Variants in OXR1 observed in about 807,000 individuals in gnomAD.
OXR1 encodes oxidation resistance 1.
A neutral mutation model predicts 104.6 loss-of-function variants in OXR1; 41 were observed. The observed-to-expected ratio is 0.39, with a 90% CI of 0.31 to 0.51. The LOEUF (loss-of-function observed/expected upper bound fraction) is 0.51. Among genes scored for constraint, OXR1 ranks in the 20% least tolerant of loss-of-function variants. The pLI is 0.77. For missense variants in OXR1, 955 were observed against 1,031.9 expected, an observed-to-expected ratio of 0.93 and a Z score of 1.02; for synonymous variants, 348 against 348.4, an observed-to-expected ratio of 1.00 and a Z score of 0.01.
chr8:106,739,284 A>T (rs569162387), intron 12 of OXR1, among the ~76,000 whole-genome samples, 174 bp from the exon 13 acceptor site: 4 of 152,262 alleles, frequency 2.6e-5, no homozygotes, highest in African/African-American at 9.6e-5. Flanking sequence ...CTTTTCCTAC[A>T]TTGGCTACAT....
chr8:106,653,746 C>A (rs949985622), intron 3 of OXR1, among the ~76,000 whole-genome samples: 1 of 151,394 alleles, frequency 6.6e-6, no homozygotes, highest in Non-Finnish European at 1.5e-5. Context: ...CTAACCAGGG[C>A]AATTAGGCAA....
chr8:106,488,432 A>G (rs950273633), intron 2 of OXR1, among the ~76,000 whole-genome samples: 10 of 149,240 alleles, frequency 6.7e-5, no homozygotes, highest in Non-Finnish European at 1.5e-5. Context: ...GTTTAATTAG[A>G]TCCCATTTGT....
chr8:106,567,665 T>C (rs1033750693), intron 3 of OXR1, among the ~76,000 whole-genome samples: 3 of 152,194 alleles, frequency 2.0e-5, no homozygotes, highest in Admixed American at 6.6e-5. Context: ...TTGAAAGCTG[T>C]ATCTTTTATG....
At chr8:106,281,322 T>C (rs1812269673) in intron 1 of OXR1, among the ~76,000 whole-genome samples, 1 of 152,176 alleles carries the variant, frequency 6.6e-6, no homozygotes, top group African/African-American at 2.4e-5. Flanking sequence ...TGTCTGTCAG[T>C]TGAGGAATGG....
At chr8:106,497,037 A>C (rs1240423863) in intron 2 of OXR1, among the ~76,000 whole-genome samples, 3 of 152,184 alleles carry the variant, frequency 2.0e-5, no homozygotes, top group Admixed American at 6.5e-5. Flanking sequence ...AAAGTGATTG[A>C]GATTGAATTT....
intron 3 of OXR1, among the ~76,000 whole-genome samples, chr8:106,576,021 C>CA (rs10672817): frequency 6.8e-6 from 1 of 146,802 alleles, no homozygotes; most frequent in Non-Finnish European, 1.5e-5. Flanking sequence ...CACACACACA[C>CA]AAAACCCTGA....
intron 3 of OXR1, among the ~76,000 whole-genome samples, chr8:106,621,015 G>T (rs945460380): frequency 3.9e-5 from 6 of 152,128 alleles, no homozygotes; most frequent in African/African-American, 1.4e-4. Flanking sequence ...ATTATCATTG[G>T]AAATGATGAT....
In OXR1 at chr8:106,363,972, G is replaced by T. The variant is rs566423728; in HGVS notation, c.23+4336G>T. On this transcript the variant is annotated intron_variant, in intron 2 of 16. Coordinates refer to ENST00000517566, the MANE Select transcript of OXR1 (RefSeq NM_001198533.2). ...TCAGTTTTAGAAAAGGGTCCATTAT[G>T]TATGCTCACCCTTTTCCCAGATTTA... is the stretch of plus-strand genomic sequence containing the variant. Among the ~76,000 whole-genome samples the T allele has an allele frequency of 1.8e-4, 28 of 151,904 alleles. No individual in the cohort carries two copies. The East Asian group carries it at 4.5e-3, about 24-fold the overall frequency.
At chr8:106,616,443 G>A (rs1023312681) in intron 3 of OXR1, among the ~76,000 whole-genome samples, 1 of 151,872 alleles carries the variant, frequency 6.6e-6, no homozygotes, top group African/African-American at 2.4e-5. Flanking sequence ...GCATTCATAG[G>A]AAATACTGGA....
chr8:106,671,057 A>AC, intron 3 of OXR1, among the ~76,000 whole-genome samples: 1 of 150,062 alleles, frequency 6.7e-6, no homozygotes, highest in African/African-American at 2.5e-5. Context: ...AAAAAAAAAA[A>AC]AAAAAAGAAT....
chr8:106,298,746 AAAAAC>A (rs1216008661), intron 1 of OXR1, among the ~76,000 whole-genome samples: 5 of 147,196 alleles, frequency 3.4e-5, no homozygotes, highest in Non-Finnish European at 7.4e-5. Context: ...CTGGAGGAAA[AAAAAC>A]AAAACAAATA....
At position 106,697,944 on chromosome 8, in the gene OXR1, A is replaced by G. The variant is rs1313609567; in HGVS notation, c.676-4962A>G. 1.9e-5 allele frequency: 31 copies of G among 1,612,392 alleles called. No homozygotes were observed. In the Admixed American group the frequency reaches 4.8e-4, roughly 25 times the overall value. On this transcript the variant is annotated intron_variant, in intron 7 of 16. Transcript: ENST00000517566. The stretch of plus-strand genomic sequence containing the variant: ...GGATCAGGATCTGCTCCAGATCTGC[A>G]TCATACTGTTTCTCAATCTTCTGCT...
At chr8:106,485,733 G>A (rs1448740854) in intron 2 of OXR1, among the ~76,000 whole-genome samples, 2 of 151,998 alleles carry the variant, frequency 1.3e-5, no homozygotes, top group Non-Finnish European at 2.9e-5. Flanking sequence ...ATGAATGGAT[G>A]GAGAAAATGA....
intron 11 of OXR1, among the ~76,000 whole-genome samples, chr8:106,736,107 T>G (rs1172896265): frequency 6.6e-6 from 1 of 152,196 alleles, no homozygotes; most frequent in Non-Finnish European, 1.5e-5. Flanking sequence ...GCACTTTTAC[T>G]ATTTTCATTG....
intron 2 of OXR1, among the ~76,000 whole-genome samples, chr8:106,439,495 A>T (rs1040318770): frequency 3.3e-5 from 5 of 152,136 alleles, no homozygotes; most frequent in African/African-American, 9.7e-5. Context: ...TAAAATTTTT[A>T]AAATTTAGTT....
At chr8:106,306,165 A>G (rs189167227) in intron 1 of OXR1, among the ~76,000 whole-genome samples, 1 of 152,080 alleles carries the variant, frequency 6.6e-6, no homozygotes, top group African/African-American at 2.4e-5. Context: ...GGGAACATCT[A>G]AGGAATAATT....
At chr8:106,318,923 A>G (rs111283395) in intron 1 of OXR1, among the ~76,000 whole-genome samples, 17 of 152,218 alleles carry the variant, frequency 1.1e-4, no homozygotes, top group Admixed American at 1.3e-4. Flanking sequence ...GGGAGAAAAT[A>G]TCCAAAATGT....
chr8:106,595,264 A>G (rs1271550930), intron 3 of OXR1, among the ~76,000 whole-genome samples: 2 of 152,176 alleles, frequency 1.3e-5, no homozygotes, highest in East Asian at 1.9e-4. Context: ...TTAAGAGTGT[A>G]GAACTGGCCG....
At chr8:106,317,693 A>G (rs77928463) in intron 1 of OXR1, among the ~76,000 whole-genome samples, 13,465 of 152,028 alleles carry the variant, frequency 0.089, 695 homozygotes, top group African/African-American at 0.14. Context: ...TGTTTCTGGC[A>G]GCTTGAGGAT....
Sources: gnomAD v4.1 joint callset for allele counts (sites outside exome capture counted in the v4.1 genomes callset) on GRCh38, gnomAD v4.1.1 for gene constraint, MANE v1.5 for transcripts, NCBI Gene and HGNC (gene_info 2026-07-23, HGNC 2026-07-21) for gene names.